Variants in GLIS3 observed in about 807,000 individuals in gnomAD.
GLIS3 encodes the protein GLIS family zinc finger 3, also known as zinc finger protein GLIS3.
Under a neutral mutation model 78.6 loss-of-function variants are expected in GLIS3, and 53 were observed. The ratio of observed to expected loss-of-function variants is 0.67; its 90% CI spans 0.54 to 0.85. The LOEUF is 0.85. GLIS3 is among the 40% of genes least tolerant of loss of function. The probability of loss-of-function intolerance (pLI) is 0.00; values close to 1 mark genes in which losing one functional copy is unlikely to be tolerated. For missense variants in GLIS3, 1,703 were observed against 1,231.1 expected (o/e 1.38, Z -5.74); for synonymous variants, 684 against 509.9 (o/e 1.34, Z -4.60).
intron 4 of GLIS3, among the ~76,000 whole-genome samples, chr9:4,052,079 G>C (rs1323108845): frequency 6.6e-6 from 1 of 152,158 alleles, no homozygotes; most frequent in Non-Finnish European, 1.5e-5. Flanking sequence ...AATCAATGGA[G>C]AGATGTGCAC....
intron 6 of GLIS3, among the ~76,000 whole-genome samples, chr9:3,907,821 C>T (rs1823828407): frequency 6.6e-6 from 1 of 152,202 alleles, no homozygotes; most frequent in South Asian, 2.1e-4. Context: ...GTGCGTCCTT[C>T]ATAAATCACA....
intron 2 of GLIS3, among the ~76,000 whole-genome samples, chr9:4,334,101 G>C (rs1344191475): frequency 6.6e-6 from 1 of 152,102 alleles, no homozygotes; most frequent in Non-Finnish European, 1.5e-5. Flanking sequence ...AAGACAAACA[G>C]TTACAGCAAG....
chr9:4,202,269 G>A (rs935896663), intron 2 of GLIS3, among the ~76,000 whole-genome samples: 8 of 146,550 alleles, frequency 5.5e-5, no homozygotes, highest in African/African-American at 1.8e-4. Flanking sequence ...TCCTGCCTCA[G>A]CCTCCCGAGT....
chr9:4,230,334 G>C (rs946054471), intron 2 of GLIS3, among the ~76,000 whole-genome samples: 3 of 152,210 alleles, frequency 2.0e-5, no homozygotes, highest in Non-Finnish European at 2.9e-5. Flanking sequence ...GGGCAACAGA[G>C]AACTGGACTT....
chr9:4,112,129 A>T (rs1831266226), intron 4 of GLIS3, among the ~76,000 whole-genome samples: 3 of 152,166 alleles, frequency 2.0e-5, no homozygotes, highest in Admixed American at 6.5e-5. Context: ...GGAGGCAAGG[A>T]GGTGGCAACA....
chr9:3,954,439 C>G (rs1239043643), intron 4 of GLIS3, among the ~76,000 whole-genome samples: 1 of 152,226 alleles, frequency 6.6e-6, no homozygotes, highest in Non-Finnish European at 1.5e-5. Context: ...AGTGCAGTAA[C>G]AGAATAGCTG....
intron 4 of GLIS3, among the ~76,000 whole-genome samples, chr9:4,073,011 C>T (rs557171585): frequency 2.4e-4 from 29 of 120,004 alleles, no homozygotes; most frequent in African/African-American, 1.1e-3. Context: ...GGGTTTACTG[C>T]TTTTTTCTTT....
chr9:4,080,291 A>C (rs775560418), intron 4 of GLIS3, among the ~76,000 whole-genome samples: 20 of 152,322 alleles, frequency 1.3e-4, no homozygotes, highest in Admixed American at 6.5e-4. Flanking sequence ...CACTAGAGAC[A>C]CAGAGGTAAG....
intron 4 of GLIS3, among the ~76,000 whole-genome samples, chr9:3,976,538 T>C (rs1339475541): frequency 6.6e-6 from 1 of 151,294 alleles, no homozygotes; most frequent in East Asian, 1.9e-4. Flanking sequence ...TAAGTATGAG[T>C]AGGAAAAGGA....
chr9:3,853,825 C>G (rs1418920646), intron 9 of GLIS3, among the ~76,000 whole-genome samples: 6 of 152,218 alleles, frequency 3.9e-5, no homozygotes, highest in Non-Finnish European at 7.3e-5. Context: ...AATTTTTCTT[C>G]TACACATAGG....
At chr9:4,020,627 T>C (rs910715756) in intron 4 of GLIS3, among the ~76,000 whole-genome samples, 2 of 152,240 alleles carry the variant, frequency 1.3e-5, no homozygotes, top group African/African-American at 2.4e-5. Flanking sequence ...GCTTTTCACC[T>C]TTGTTCTAAT....
the GLIS3 span, among the ~76,000 whole-genome samples, chr9:4,437,124 G>C: frequency 6.6e-6 from 1 of 152,136 alleles, no homozygotes; most frequent in Non-Finnish European, 1.5e-5. Context: ...GACAGTGGCA[G>C]TGTGAAGATT....
intron 6 of GLIS3, among the ~76,000 whole-genome samples, chr9:3,920,328 T>A (rs1034517695): frequency 3.3e-5 from 5 of 152,200 alleles, no homozygotes; most frequent in Non-Finnish European, 7.3e-5. Context: ...AAATATCAAA[T>A]CACCCTTTCT....
At chr9:4,400,592 G>A in the GLIS3 span, among the ~76,000 whole-genome samples, 106 of 152,244 alleles carry the variant, frequency 7.0e-4, no homozygotes, top group Middle Eastern at 3.4e-3. Flanking sequence ...TTTCCTCTTC[G>A]GTCTTGATCT....
intron 2 of GLIS3, chr9:4,310,594 C>G (rs894214856): frequency 4.6e-5 from 7 of 152,426 alleles, no homozygotes; most frequent in Middle Eastern, 3.4e-3. Flanking sequence ...TCCCTGCCTC[C>G]AAAGCTAAAC....
Position 4,277,663 on chromosome 9 carries a change from G to A in GLIS3, c.388+8375C>T, listed in dbSNP as rs562868431. Among the ~76,000 whole-genome samples, 17 of 152,304 alleles carry A rather than the reference G, an allele frequency of 1.1e-4. No individual in the cohort carries two copies. In the East Asian group the frequency reaches 3.1e-3, roughly 28 times the overall value. On this transcript the variant is annotated intron_variant, in intron 2 of 10. Coordinates refer to ENST00000381971, the MANE Select transcript of GLIS3 (RefSeq NM_001042413.2). ...AGGACAGCAGAGCCCAGCAAGAAAT[G>A]TCAGAAGCCCTGAAGTAAAATAAAA... is the stretch of plus-strand genomic sequence containing the variant.
chr9:4,024,037 A>C (rs1420580532), intron 4 of GLIS3, among the ~76,000 whole-genome samples: 1 of 130,490 alleles, frequency 7.7e-6, no homozygotes, highest in East Asian at 2.1e-4. Context: ...AAAAAAAACA[A>C]AAAAAAAAAT....
intron 4 of GLIS3, among the ~76,000 whole-genome samples, chr9:3,987,047 C>G (rs973473926): frequency 5.3e-5 from 8 of 151,996 alleles, no homozygotes; most frequent in African/African-American, 1.9e-4. Context: ...AAGCAGCTGT[C>G]ATAAAAATGC....
At chr9:4,273,419 A>AC (rs1408449732) in intron 2 of GLIS3, among the ~76,000 whole-genome samples, 2 of 151,776 alleles carry the variant, frequency 1.3e-5, no homozygotes, top group African/African-American at 4.8e-5. Flanking sequence ...ACACAGGGAG[A>AC]CCCCATCTCC....
Sources: allele counts gnomAD v4.1 joint callset (sites outside exome capture counted in the v4.1 genomes callset), GRCh38; gene constraint gnomAD v4.1.1; transcripts MANE v1.5; gene names NCBI Gene and HGNC (gene_info 2026-07-23, HGNC 2026-07-21).